Variants in FHIT observed in about 807,000 individuals in gnomAD.
The protein encoded by FHIT is fragile histidine triad diadenosine triphosphatase, also known as bis(5'-adenosyl)-triphosphatase.
FHIT carries 19 observed loss-of-function variants against 17.9 expected under a neutral mutation model. That is an observed-to-expected ratio of 1.06 (90% CI 0.74 to 1.56). The LOEUF is 1.56. Among genes scored for constraint, FHIT ranks in the 40% most tolerant of loss-of-function variants. The pLI, the probability that FHIT is intolerant of heterozygous loss-of-function variation, is 0.00. For missense variants in FHIT, 248 were observed against 189.2 expected, an observed-to-expected ratio of 1.31 and a Z score of -1.82; for synonymous variants, 81 against 69.7, an observed-to-expected ratio of 1.16 and a Z score of -0.81.
chr3:60,247,445 T>TGAAGAA (rs752721286), intron 5 of FHIT, among the ~76,000 whole-genome samples: 1 of 151,664 alleles, frequency 6.6e-6, no homozygotes, highest in African/African-American at 2.4e-5. Context: ...AAGATGAAGA[T>TGAAGAA]GAAGAAGAAG....
chr3:60,984,350 T>C (rs1710625459), intron 3 of FHIT, among the ~76,000 whole-genome samples: 2 of 152,196 alleles, frequency 1.3e-5, no homozygotes, highest in Non-Finnish European at 2.9e-5. Context: ...TTGACATTAA[T>C]TACAGAGAAG....
intron 5 of FHIT, among the ~76,000 whole-genome samples, chr3:60,156,479 C>T (rs114858245): frequency 0.012 from 1,803 of 151,264 alleles, 27 homozygotes; most frequent in African/African-American, 0.04. Flanking sequence ...CTGGGTGCAG[C>T]GGTTCACACC....
intron 5 of FHIT, among the ~76,000 whole-genome samples, chr3:60,134,072 A>G (rs576054132): frequency 1.3e-5 from 2 of 152,198 alleles, no homozygotes; most frequent in Middle Eastern, 3.4e-3. Context: ...TACCAAAAAG[A>G]GTGATTCAAG....
intron 2 of FHIT, among the ~76,000 whole-genome samples, chr3:61,074,561 C>T (rs2034913042): frequency 6.6e-6 from 1 of 152,108 alleles, no homozygotes; most frequent in Non-Finnish European, 1.5e-5. Flanking sequence ...CTACCGGCAC[C>T]ACACTCCTAC....
chr3:60,921,966 G>A (rs1393000496), intron 3 of FHIT, among the ~76,000 whole-genome samples: 2 of 152,168 alleles, frequency 1.3e-5, no homozygotes, highest in South Asian at 4.1e-4. Flanking sequence ...AAATAAATGA[G>A]GCTTGAAAGC....
chr3:59,948,651 T>C (rs1023032046), intron 7 of FHIT, among the ~76,000 whole-genome samples: 2 of 152,210 alleles, frequency 1.3e-5, no homozygotes, highest in Admixed American at 1.3e-4. Context: ...GGTGCTGTCA[T>C]TTTAAAAATT....
At chr3:60,621,083 C>T (rs1357647263) in intron 4 of FHIT, among the ~76,000 whole-genome samples, 2 of 151,742 alleles carry the variant, frequency 1.3e-5, no homozygotes, top group Non-Finnish European at 2.9e-5. Flanking sequence ...CACACCAATC[C>T]TTTCATTCCT....
At chr3:60,825,814 G>T (rs977015202) in intron 3 of FHIT, among the ~76,000 whole-genome samples, 2 of 152,162 alleles carry the variant, frequency 1.3e-5, no homozygotes. Context: ...GACTGCTGCT[G>T]TGGATACACA....
At chr3:60,482,765 A>G (rs1399819516) in intron 5 of FHIT, among the ~76,000 whole-genome samples, 1 of 152,106 alleles carries the variant, frequency 6.6e-6, no homozygotes, top group Non-Finnish European at 1.5e-5. Flanking sequence ...CACAATTAAA[A>G]GAGCTAGAGA....
At chr3:60,573,576 C>T (rs1553656510) in intron 4 of FHIT, among the ~76,000 whole-genome samples, 1 of 152,102 alleles carries the variant, frequency 6.6e-6, no homozygotes, top group African/African-American at 2.4e-5. Context: ...TGAGAACGAA[C>T]CTGCAGCATC....
chr3:59,873,471 T>C (rs1365244228), intron 8 of FHIT, among the ~76,000 whole-genome samples: 1 of 152,208 alleles, frequency 6.6e-6, no homozygotes, highest in Non-Finnish European at 1.5e-5. Flanking sequence ...TTCAAGCCCT[T>C]CTGCAGCACA....
intron 4 of FHIT, among the ~76,000 whole-genome samples, chr3:60,701,076 A>G (rs1317189463): frequency 6.6e-6 from 1 of 151,370 alleles, no homozygotes; most frequent in Non-Finnish European, 1.5e-5. Flanking sequence ...TTTTCATAGC[A>G]TCTTTTATTA....
intron 4 of FHIT, among the ~76,000 whole-genome samples, chr3:60,609,379 G>T (rs1357072924): frequency 6.6e-6 from 1 of 151,912 alleles, no homozygotes; most frequent in African/African-American, 2.4e-5. Context: ...AGGCTGGAGT[G>T]CAGTGGCGCC....
chr3:60,035,446 C>T (rs1559568460), intron 5 of FHIT, among the ~76,000 whole-genome samples: 2 of 152,196 alleles, frequency 1.3e-5, no homozygotes, highest in Non-Finnish European at 2.9e-5. Flanking sequence ...CCTTGTTGGC[C>T]AGGCTAGTCT....
chr3:60,439,071 A>C (rs1372260144), intron 5 of FHIT, among the ~76,000 whole-genome samples: 1 of 152,180 alleles, frequency 6.6e-6, no homozygotes, highest in East Asian at 1.9e-4. Flanking sequence ...TAGATGGAGA[A>C]ATCTTTACAA....
At chr3:60,354,171 G>T (rs747423642) in intron 5 of FHIT, among the ~76,000 whole-genome samples, 28 of 151,880 alleles carry the variant, frequency 1.8e-4, no homozygotes, top group Non-Finnish European at 3.1e-4. Context: ...ATGAAAAATG[G>T]CACCAAAATT....
chr3:60,598,513 A>G lies in FHIT; in HGVS notation c.-17-61534T>C, dbSNP rs545980240. 6.6e-5 allele frequency among the ~76,000 whole-genome samples: 10 copies of G among 152,286 alleles called. No individual in the cohort carries two copies. In the East Asian group the frequency reaches 1.9e-3, roughly 29 times the overall value. ...TCCACTGGGCAACAAAAATCACTTA[A>G]TCTTCCATGTTGTTGCAAGAGCAAA... On this transcript the variant is annotated intron_variant, in intron 4 of 9. Transcript: ENST00000492590.
rs572752087 is a variant in FHIT at position 60,917,699 on chromosome 3, G to C, written c.-110-95688C>G. On this transcript the variant is annotated intron_variant, in intron 3 of 9. Coordinates refer to ENST00000492590, the MANE Select transcript of FHIT (RefSeq NM_002012.4). ...TCCTCAAATGTCACCTCATCACAAA[G>C]GATTATTTGACCACCCTATCTAAAA... Among the ~76,000 whole-genome samples the C allele has an allele frequency of 3.3e-5, 5 of 152,176 alleles. No homozygotes were observed. The East Asian group carries it at 7.7e-4, about 24-fold the overall frequency.
chr3:59,987,921 T>G (rs1709057293), intron 7 of FHIT, among the ~76,000 whole-genome samples: 1 of 152,090 alleles, frequency 6.6e-6, no homozygotes, highest in African/African-American at 2.4e-5. Flanking sequence ...GTAACATAGC[T>G]TGAAATATAT....
Sources: allele counts gnomAD v4.1 joint callset (sites outside exome capture counted in the v4.1 genomes callset), GRCh38; gene constraint gnomAD v4.1.1; transcripts MANE v1.5; gene names NCBI Gene and HGNC (gene_info 2026-07-23, HGNC 2026-07-21).